Variants in NPC1L1 observed in about 807,000 individuals in gnomAD.
NPC1L1 encodes NPC1-like intracellular cholesterol transporter 1.
A neutral mutation model predicts 117.0 loss-of-function variants in NPC1L1; 98 were observed. That is an observed-to-expected ratio of 0.84 (90% CI 0.71 to 0.99). The LOEUF is 0.99. NPC1L1 is among the 50% of genes least tolerant of loss of function. The pLI is 0.00. For synonymous variants in NPC1L1, 729 were observed against 727.6 expected, an observed-to-expected ratio of 1.00 and a Z score of -0.03; for missense variants, 1,540 against 1,710.0, an observed-to-expected ratio of 0.90 and a Z score of 1.75.
chr7:44,539,010 G>A lies in NPC1L1; in HGVS notation c.1387C>T (p.Arg463Cys), dbSNP rs776868051. 6.8e-6 allele frequency: 11 copies of A among 1,614,036 alleles called. No individual in the cohort carries two copies. The highest frequency in any genetic ancestry group is 1.6e-4 in the Middle Eastern group (1 of 6,084). Residue 463 changes from arginine to cysteine, a missense_variant, in exon 2 of 19, where the codon CGC becomes TGC. Coordinates refer to ENST00000381160, the MANE Select transcript of NPC1L1 (RefSeq NM_001101648.2). The surrounding 1 kb of genome is among the most constrained non-coding windows in gnomAD (Gnocchi z 4.4). ...CAGATGTCCTGCAGGGAGATGTTGCGCTGTGCTTCGGGCGACCATACCTGG... is the reference window on the plus strand; with the variant it reads ...CAGATGTCCTGCAGGGAGATGTTGCACTGTGCTTCGGGCGACCATACCTGG... ...HLQVWSPEAQ[R>C]NISLQDICYA...
Position 44,539,730 on chromosome 7 carries a change from A to G in NPC1L1, c.667T>C (p.Leu223=). Residue 223 remains leucine, a synonymous_variant, in exon 2 of 19, where the codon TTG becomes CTG. Transcript: ENST00000381160. This position sits in a 1 kb window ranked among gnomAD's most constrained non-coding sequence, Gnocchi z 4.4. ...CTCCCCACGGCCTGGCCAGGCTCCA[A>G]GAGGTGGAAGGTGATGTCCAGTGGG... is the stretch of plus-strand genomic sequence containing the variant. ...LAPLDITFHL[L]EPGQAVGSGI... 2 of 1,614,078 alleles carry G rather than the reference A, an allele frequency of 1.2e-6. No homozygotes were observed. Among genetic ancestry groups the G allele is most frequent in the Non-Finnish European group, 1.7e-6 (2 of 1,180,022 alleles).
At chr7:44,523,970 T>G (rs531012679) in intron 10 of NPC1L1, among the ~76,000 whole-genome samples, 1 of 152,214 alleles carries the variant, frequency 6.6e-6, no homozygotes, top group Admixed American at 6.6e-5. Context: ...CAGCCACTAA[T>G]GCAACTCCCA....
In NPC1L1 at chr7:44,539,670, A is replaced by G; in HGVS notation, c.727T>C (p.Cys243Arg). 6.2e-7 allele frequency: 1 copy of G among 1,613,874 alleles called. No homozygotes were observed. Among genetic ancestry groups the G allele is most frequent in the Admixed American group, 1.7e-5 (1 of 60,020 alleles). Residue 243 changes from cysteine (C) to arginine (R), a missense_variant, in exon 2 of 19, where the codon TGC (cysteine) becomes CGC (arginine). By Grantham distance (180) the Cys-to-Arg change is radical. Coordinates refer to ENST00000381160, the MANE Select transcript of NPC1L1 (RefSeq NM_001101648.2). This position sits in a 1 kb window ranked among gnomAD's most constrained non-coding sequence, Gnocchi z 4.4. ...IQPLNEGVAR[C>R]NESQGDDVAT... Reference sequence around the variant, plus strand: ...ACGTCGTCACCTTGGGACTCATTGCAACGTGCAACCCCCTCATTCAGAGGC... The same window carrying G: ...ACGTCGTCACCTTGGGACTCATTGCGACGTGCAACCCCCTCATTCAGAGGC...
rs374252961 is a variant in NPC1L1, at chr7:44,540,086, G to C, written c.311C>G (p.Ser104Trp). Residue 104 changes from serine (S) to tryptophan (W), a missense_variant, in exon 2 of 19, where the codon TCG (serine) becomes TGG (tryptophan). Transcript: ENST00000381160. ...KQLVSLEASL[S>W]ITKALLTRCP... ...GCGGGTGAGGAGGGCCTTGGTGATC[G>C]ACAGACTCGCTTCCAGTGATACCAG... is the stretch of plus-strand genomic sequence containing the variant. 7.4e-5 allele frequency: 120 copies of C among 1,614,046 alleles called. No individual in the cohort carries two copies. The highest frequency in any genetic ancestry group is 9.8e-5 in the Non-Finnish European group (116 of 1,180,040).
chr7:44,527,545 T>C (rs1801560335), intron 10 of NPC1L1, among the ~76,000 whole-genome samples: 2 of 150,680 alleles, frequency 1.3e-5, no homozygotes, highest in South Asian at 2.1e-4. Context: ...CTAGGCATAG[T>C]GGCTTACACC....
intron 5 of NPC1L1, among the ~76,000 whole-genome samples, chr7:44,535,300 G>T (rs1801842303): frequency 6.6e-6 from 1 of 151,858 alleles, no homozygotes; most frequent in Admixed American, 6.6e-5. Flanking sequence ...GGAGGCGGAG[G>T]TTGCAGTGAG....
In NPC1L1 at chr7:44,515,825, C is replaced by T. The variant is rs116406778; in HGVS notation, c.3774G>A (p.Leu1258=). The change falls in exon 18 of 19, where the codon CTG becomes CTA. Residue 1258 remains leucine, a synonymous_variant. Transcript: ENST00000381160. ...LLGLLHGLVF[L]PVILSYVGPD... is the part of the protein sequence containing the mutation. ...CACCCACGTAGCTGAGGATGACGGG[C>T]AGGAAGACCAAGCCATGCAGCAGGC... The T allele has an allele frequency of 1.3e-3, 2,038 of 1,614,090 alleles. 22 individuals are homozygous for T. The African/African-American group carries it at 0.02, about 16-fold the overall frequency.
chr7:44,527,932 C>T (rs1404707414), intron 10 of NPC1L1, among the ~76,000 whole-genome samples: 1 of 152,154 alleles, frequency 6.6e-6, no homozygotes, highest in East Asian at 1.9e-4. Flanking sequence ...TCAAGCAATT[C>T]TCATGTCTCA....
chr7:44,533,639 A>G (rs1801771061), intron 7 of NPC1L1, 81 bp from the exon 8 acceptor site: 29 of 1,609,996 alleles, frequency 1.8e-5, no homozygotes, highest in Non-Finnish European at 2.3e-5. Flanking sequence ...TGCAGGGGGA[A>G]GGGAATCTGC....
chr7:44,520,861 C>A, intron 13 of NPC1L1, 41 bp from the exon 14 acceptor site: 1 of 1,613,510 alleles, frequency 6.2e-7, no homozygotes, highest in East Asian at 2.2e-5. Flanking sequence ...AGGGACGAAG[C>A]TTCTTTCATC....
At chr7:44,516,258 T>C (rs879569667) in intron 16 of NPC1L1, 61 bp from the exon 17 acceptor site, 66 of 1,410,046 alleles carry the variant, frequency 4.7e-5, no homozygotes, top group Non-Finnish European at 6.1e-5. Context: ...ACTAGGGAGA[T>C]GAGGCCTCCA....
rs919231856 is a variant in NPC1L1 at position 44,539,074 on chromosome 7, C to T, written c.1323G>A (p.Leu441=). Residue 441 remains leucine, a synonymous_variant, in exon 2 of 19, where the codon CTG becomes CTA. Coordinates refer to ENST00000381160, the MANE Select transcript of NPC1L1 (RefSeq NM_001101648.2). The surrounding 1 kb of genome is among the most constrained non-coding windows in gnomAD (Gnocchi z 4.4). ...TCTCCTGCAGCTCTAGCAGCTCCAG[C>T]AGCAAGTCCAGGTCCAGGATTCCGC... The part of the protein sequence containing the change: ...NFSGILDLDL[L]LELLELQERL... The T allele has an allele frequency of 8.1e-6, 13 of 1,613,958 alleles. No homozygotes were observed. The Admixed American group carries it at 2.0e-4, about 25-fold the overall frequency.
rs899178554 is a variant in NPC1L1, at chr7:44,533,366, C to T, written c.2409+65G>A. On this transcript the variant is annotated intron_variant, in intron 8 of 18. Transcript: ENST00000381160. The stretch of plus-strand genomic sequence containing the variant: ...GCCATCTCTGTGGTGGTAAAGCCAC[C>T]CCATCTCCCTGCCATGGTGGGAACC... 26 of 1,607,104 alleles carry T rather than the reference C, an allele frequency of 1.6e-5. No homozygotes were observed. The East Asian group carries it at 2.7e-4, about 17-fold the overall frequency.
In NPC1L1 at chr7:44,516,709, C is replaced by G. The variant is rs757282762; in HGVS notation, c.3513G>C (p.Leu1171=). The G allele has an allele frequency of 1.2e-5, 20 of 1,609,624 alleles. No homozygotes were observed. The East Asian group carries it at 4.0e-4, about 32-fold the overall frequency. ...CCTGTGTCTGCTGGGTTACCGAGACCAGGTTGATGAGGGACACAGCATTGT... is the reference window on the plus strand; with the variant it reads ...CCTGTGTCTGCTGGGTTACCGAGACGAGGTTGATGAGGGACACAGCATTGT... ...ISYNAVSLIN[L]VSAVGMSVEF... Residue 1171 remains leucine, a synonymous_variant, in exon 16 of 19, where the codon CTG becomes CTC. Transcript: ENST00000381160.
rs776060837 is a variant in NPC1L1, at chr7:44,539,647, G to A, written c.750C>T (p.Asp250=). The change falls in exon 2 of 19, where the codon GAC becomes GAT. Residue 250 remains aspartate (D), a synonymous_variant. Coordinates refer to ENST00000381160, the MANE Select transcript of NPC1L1 (RefSeq NM_001101648.2). This position sits in a 1 kb window ranked among gnomAD's most constrained non-coding sequence, Gnocchi z 4.4. ...VARCNESQGD[D]VATCSCQDCA... ...AGTCTTGGCAGGAGCAGGTCGCCACGTCGTCACCTTGGGACTCATTGCAAC... is the reference window on the plus strand; with the variant it reads ...AGTCTTGGCAGGAGCAGGTCGCCACATCGTCACCTTGGGACTCATTGCAAC... 20 of 1,613,738 alleles carry A rather than the reference G, an allele frequency of 1.2e-5. No individual in the cohort carries two copies. The highest frequency in any genetic ancestry group is 5.3e-5 in the African/African-American group (4 of 74,930).
At chr7:44,520,934 A>G in intron 13 of NPC1L1, 58 bp downstream of exon 13, 9 of 1,613,344 alleles carry the variant, frequency 5.6e-6, no homozygotes, top group South Asian at 3.3e-5. Flanking sequence ...TCTATATTCA[A>G]CCCCATCCTG....
chr7:44,513,637 T>C lies in NPC1L1; in HGVS notation c.3809A>G (p.Asn1270Ser), dbSNP rs772948924. ...VILSYVGPDV[N>S]PALALEQKRA... ...CTTCTGCTCCAGTGCCAGAGCCGGGTTAACGTCAGGCCCTGCGGAGAGACA... is the reference window on the plus strand; with the variant it reads ...CTTCTGCTCCAGTGCCAGAGCCGGGCTAACGTCAGGCCCTGCGGAGAGACA... Residue 1270 changes from asparagine to serine, a missense_variant, in exon 19 of 19, where the codon AAC becomes AGC. Around this residue, in one of 3 missense-constraint regions of NPC1L1, gnomAD observed 742 missense variants for 873.6 expected, o/e 0.85. Transcript: ENST00000381160. 6.2e-6 allele frequency: 10 copies of C among 1,612,852 alleles called. No individual in the cohort carries two copies. The highest frequency in any genetic ancestry group is 1.3e-5 in the African/African-American group (1 of 74,850).
chr7:44,517,124 C>T, intron 15 of NPC1L1, 83 bp downstream of exon 15: 1 of 1,586,690 alleles, frequency 6.3e-7, no homozygotes, highest in South Asian at 1.1e-5. Context: ...TCTCATGCAA[C>T]TCCTTGCAAG....
rs747448562 is a variant in NPC1L1, at chr7:44,526,426, G to A, written c.2638-4184C>T. ...TAGCCAGGCGTGGAGGCATGCACCT[G>A]TAATCCCAGCTACTTTGGAGGCTGA... is the stretch of plus-strand genomic sequence containing the variant. On this transcript the variant is annotated intron_variant, in intron 10 of 18. Coordinates refer to ENST00000381160, the MANE Select transcript of NPC1L1 (RefSeq NM_001101648.2). Among the ~76,000 whole-genome samples, 69 of 151,330 alleles carry A rather than the reference G, an allele frequency of 4.6e-4. 1 individual carries two copies. Among genetic ancestry groups the A allele is most frequent in the Non-Finnish European group, 1.9e-4 (13 of 67,938 alleles).
Sources: allele counts gnomAD v4.1 joint callset (sites outside exome capture counted in the v4.1 genomes callset), GRCh38; gene constraint gnomAD v4.1.1; regional missense constraint gnomAD v4.1.1; non-coding constraint Gnocchi (gnomAD v3.1); transcripts MANE v1.5; gene names NCBI Gene and HGNC (gene_info 2026-07-23, HGNC 2026-07-21).